Variants in CLYBL observed in about 807,000 individuals in gnomAD.
CLYBL encodes citramalyl-CoA lyase, mitochondrial.
CLYBL carries 31 observed loss-of-function variants against 38.9 expected under a neutral mutation model. The observed-to-expected ratio is 0.80, with a 90% confidence interval of 0.60 to 1.08. The LOEUF is 1.08. CLYBL is among the 50% of genes least tolerant of loss of function. The probability of loss-of-function intolerance (pLI) is 0.00; values close to 1 mark genes in which losing one functional copy is unlikely to be tolerated. For synonymous variants in CLYBL, 171 were observed against 158.6 expected, an observed-to-expected ratio of 1.08 and a Z score of -0.59; for missense variants, 434 against 411.6, an observed-to-expected ratio of 1.05 and a Z score of -0.47.
At chr13:99,677,754 T>C (rs1021627546) in intron 1 of CLYBL, among the ~76,000 whole-genome samples, 2 of 152,238 alleles carry the variant, frequency 1.3e-5, no homozygotes, top group Non-Finnish European at 2.9e-5. Context: ...GAATATCTAC[T>C]CAGACATCAT....
intron 2 of CLYBL, among the ~76,000 whole-genome samples, chr13:99,836,822 T>C (rs1008280043): frequency 6.6e-6 from 1 of 151,776 alleles, no homozygotes; most frequent in Non-Finnish European, 1.5e-5. Flanking sequence ...TTCTCACTCA[T>C]AGGTGGGAAT....
intron 1 of CLYBL, among the ~76,000 whole-genome samples, chr13:99,728,234 A>G (rs1267186251): frequency 6.6e-6 from 1 of 151,382 alleles, no homozygotes; most frequent in African/African-American, 2.4e-5. Flanking sequence ...ATAAATATAA[A>G]CTGGGTACTT....
intron 1 of CLYBL, among the ~76,000 whole-genome samples, chr13:99,709,117 G>A (rs1289678049): frequency 6.6e-6 from 1 of 151,926 alleles, no homozygotes; most frequent in Non-Finnish European, 1.5e-5. Flanking sequence ...AAAAAAAGGA[G>A]TGATTAGGTT....
chr13:99,744,118 G>A (rs1158114969), intron 1 of CLYBL, among the ~76,000 whole-genome samples: 1 of 151,732 alleles, frequency 6.6e-6, no homozygotes, highest in African/African-American at 2.4e-5. Flanking sequence ...GACTACAGGC[G>A]CCCGCCACCA....
chr13:99,770,475 G>A (rs1168930987), intron 1 of CLYBL, among the ~76,000 whole-genome samples: 4 of 151,592 alleles, frequency 2.6e-5, no homozygotes, highest in Non-Finnish European at 4.4e-5. Context: ...CCGCCACCAC[G>A]CCTGGCTAGT....
intron 1 of CLYBL, among the ~76,000 whole-genome samples, chr13:99,728,382 G>A (rs924239799): frequency 2.0e-5 from 3 of 150,300 alleles, no homozygotes; most frequent in Admixed American, 6.6e-5. Context: ...GGGTTCAAGC[G>A]ATTATCCTGC....
At chr13:99,751,177 A>G (rs997889065) in intron 1 of CLYBL, among the ~76,000 whole-genome samples, 5 of 152,152 alleles carry the variant, frequency 3.3e-5, no homozygotes, top group African/African-American at 1.2e-4. Context: ...CTTAAAAAGG[A>G]AGAACATTCT....
At chr13:99,749,845 A>G (rs2048921973) in intron 1 of CLYBL, among the ~76,000 whole-genome samples, 2 of 151,852 alleles carry the variant, frequency 1.3e-5, no homozygotes, top group South Asian at 4.1e-4. Context: ...TTGCCATAGT[A>G]ACCAAAAAAA....
At chr13:99,676,778 T>C (rs529167706) in intron 1 of CLYBL, among the ~76,000 whole-genome samples, 20 of 151,898 alleles carry the variant, frequency 1.3e-4, no homozygotes, top group African/African-American at 4.8e-4. Flanking sequence ...GCTAATTTTG[T>C]ATTTTTAGTA....
Position 99,842,957 on chromosome 13 carries a change from A to G in CLYBL, c.250-15904A>G, listed in dbSNP as rs554397061. On this transcript the variant is annotated intron_variant, in intron 2 of 8. Transcript: ENST00000339105. ...AAAAGGCATTTTTTTTTAACCTAAC[A>G]TTTATTAACCACTTACGTTATATGA... Among the ~76,000 whole-genome samples the G allele has an allele frequency of 2.4e-4, 37 of 152,132 alleles. 1 individual carries two copies. The South Asian group carries it at 7.1e-3, about 29-fold the overall frequency.
At chr13:99,843,705 G>A (rs542911916) in intron 2 of CLYBL, among the ~76,000 whole-genome samples, 13 of 150,706 alleles carry the variant, frequency 8.6e-5, no homozygotes, top group South Asian at 2.1e-4. Context: ...GGATTCAAGC[G>A]ATTCTCCTGC....
At chr13:99,639,709 G>A (rs1243073964) in intron 1 of CLYBL, among the ~76,000 whole-genome samples, 1 of 152,092 alleles carries the variant, frequency 6.6e-6, no homozygotes, top group Non-Finnish European at 1.5e-5. Flanking sequence ...CCTGGCCAAC[G>A]CAGCGAGACC....
At chr13:99,631,077 T>C (rs569140686) in intron 1 of CLYBL, among the ~76,000 whole-genome samples, 7 of 152,168 alleles carry the variant, frequency 4.6e-5, no homozygotes, top group Non-Finnish European at 7.3e-5. Flanking sequence ...ATCCCAGCAC[T>C]TTGGGAGGCA....
At chr13:99,696,025 C>T (rs2047974275) in intron 1 of CLYBL, among the ~76,000 whole-genome samples, 1 of 152,148 alleles carries the variant, frequency 6.6e-6, no homozygotes, top group African/African-American at 2.4e-5. Context: ...AGCCTTTAGG[C>T]AGTTTTTGCT....
chr13:99,694,018 G>A (rs953442794), intron 1 of CLYBL, among the ~76,000 whole-genome samples: 13 of 152,138 alleles, frequency 8.5e-5, no homozygotes, highest in African/African-American at 2.7e-4. Flanking sequence ...GCAGCAGCTC[G>A]CACAAAAGAA....
chr13:99,665,719 A>G (rs2047471115), intron 1 of CLYBL, among the ~76,000 whole-genome samples: 3 of 152,210 alleles, frequency 2.0e-5, no homozygotes, highest in Non-Finnish European at 4.4e-5. Flanking sequence ...TCAAATATAC[A>G]TTTTGCATTC....
chr13:99,770,960 T>G (rs1279486431), intron 1 of CLYBL, among the ~76,000 whole-genome samples: 3 of 149,806 alleles, frequency 2.0e-5, no homozygotes, highest in African/African-American at 2.5e-5. Flanking sequence ...GACCTCATGA[T>G]CCACCCGCCT....
intron 1 of CLYBL, among the ~76,000 whole-genome samples, chr13:99,616,176 T>C (rs1298208748): frequency 4.7e-5 from 6 of 128,612 alleles, no homozygotes; most frequent in Non-Finnish European, 9.6e-5. Context: ...TTAAGACTGG[T>C]GAAGCTATGT....
chr13:99,613,532 G>C (rs568803222), intron 1 of CLYBL, among the ~76,000 whole-genome samples: 1 of 152,070 alleles, frequency 6.6e-6, no homozygotes, highest in African/African-American at 2.4e-5. Flanking sequence ...CTGTCCCTCT[G>C]TACTGCTGTG....
Sources: gnomAD v4.1 joint callset for allele counts (sites outside exome capture counted in the v4.1 genomes callset) on GRCh38, gnomAD v4.1.1 for gene constraint, MANE v1.5 for transcripts, NCBI Gene and HGNC (gene_info 2026-07-23, HGNC 2026-07-21) for gene names.